The following BMPR2 variants were observed in gnomAD, a reference collection of about 807,000 sequenced individuals.
BMPR2 encodes bone morphogenetic protein receptor type 2, also known as bone morphogenetic protein receptor type-2.
BMPR2 carries 29 observed loss-of-function variants against 100.8 expected under a neutral mutation model. The observed-to-expected ratio is 0.29, with a 90% CI of 0.21 to 0.39. The LOEUF (loss-of-function observed/expected upper bound fraction) is 0.39. BMPR2 is among the 10% of genes least tolerant of loss of function. BMPR2 has a pLI of 1.00. For missense variants in BMPR2, 1,011 were observed against 1,274.5 expected, an observed-to-expected ratio of 0.79 and a Z score of 3.15; for synonymous variants, 382 against 442.3, an observed-to-expected ratio of 0.86 and a Z score of 1.71.
At chr2:202,436,197 T>G (rs1691610695) in intron 1 of BMPR2, among the ~76,000 whole-genome samples, 1 of 150,822 alleles carries the variant, frequency 6.6e-6, no homozygotes. Context: ...CTTACGCCTA[T>G]AATCCCAGCA....
At chr2:202,453,205 CT>C (rs5837819) in intron 1 of BMPR2, among the ~76,000 whole-genome samples, 72,788 of 148,604 alleles carry the variant, frequency 0.49, 18,123 homozygotes, top group African/African-American at 0.58. Flanking sequence ...TATATACTGT[CT>C]TTTTTTTTTT....
At chr2:202,522,477 A>T (rs1007372924) in intron 7 of BMPR2, among the ~76,000 whole-genome samples, 3 of 151,910 alleles carry the variant, frequency 2.0e-5, no homozygotes, top group Non-Finnish European at 4.4e-5. Flanking sequence ...ACTGCACTCC[A>T]GCCTGGGTGA....
At chr2:202,451,738 T>G (rs1243220086) in intron 1 of BMPR2, among the ~76,000 whole-genome samples, 5 of 152,050 alleles carry the variant, frequency 3.3e-5, no homozygotes. Context: ...TGAGTTTTTG[T>G]TTTGTTTTTT....
At position 202,472,410 on chromosome 2, in the gene BMPR2, G is replaced by C. The variant is rs11900889; in HGVS notation, c.418+4721G>C. Among the ~76,000 whole-genome samples, 352 of 152,342 alleles carry C rather than the reference G, an allele frequency of 2.3e-3. 1 individual carries two copies. Among genetic ancestry groups the C allele is most frequent in the African/African-American group, 8.0e-3 (331 of 41,582 alleles). On this transcript the variant is annotated intron_variant, in intron 3 of 12. Coordinates refer to ENST00000374580, the MANE Select transcript of BMPR2 (RefSeq NM_001204.7). ...GCGGTGGCTCACACCTGTAATCCCA[G>C]CACTTTGGGAGGCCAAGGTGGGTGG...
At chr2:202,380,421 G>A (rs966739919) in intron 1 of BMPR2, among the ~76,000 whole-genome samples, 1 of 152,036 alleles carries the variant, frequency 6.6e-6, no homozygotes, top group Non-Finnish European at 1.5e-5. Flanking sequence ...AGTAACTGAA[G>A]TTTAGTAATC....
chr2:202,457,687 G>A (rs932825219), intron 1 of BMPR2, among the ~76,000 whole-genome samples: 5 of 151,812 alleles, frequency 3.3e-5, no homozygotes, highest in African/African-American at 1.2e-4. Flanking sequence ...ATAGTAGAAT[G>A]AGACACTTCT....
chr2:202,466,104 T>C (rs1692315661), intron 2 of BMPR2, among the ~76,000 whole-genome samples: 1 of 152,144 alleles, frequency 6.6e-6, no homozygotes, highest in Non-Finnish European at 1.5e-5. Context: ...TTAAACATAA[T>C]TTTTTGATTG....
At chr2:202,427,471 C>T (rs1410224456) in intron 1 of BMPR2, among the ~76,000 whole-genome samples, 1 of 150,410 alleles carries the variant, frequency 6.6e-6, no homozygotes, top group Non-Finnish European at 1.5e-5. Flanking sequence ...CTTTTGTGGA[C>T]CAAAAATCAA....
chr2:202,559,387 C>G (rs113096670), intron 12 of BMPR2, among the ~76,000 whole-genome samples: 1 of 152,010 alleles, frequency 6.6e-6, no homozygotes, highest in Non-Finnish European at 1.5e-5. Flanking sequence ...AAGTTAAGAT[C>G]GCTACCAAAA....
At chr2:202,377,879 A>G (rs1411535150) in intron 1 of BMPR2, among the ~76,000 whole-genome samples, 2 of 152,246 alleles carry the variant, frequency 1.3e-5, no homozygotes, top group African/African-American at 4.8e-5. Flanking sequence ...ACCAGTGAAC[A>G]GTGCTTATTA....
Position 202,561,035 on chromosome 2 carries a change from A to G in BMPR2, c.*1089A>G, listed in dbSNP as rs751628521. On this transcript the variant is annotated 3_prime_UTR_variant, in exon 13 of 13. Transcript: ENST00000374580. ...CATAAAATTACCCTTACTGTTTATT[A>G]TAACTTCAGAAGTAATTTATAGTTC... 6.6e-6 allele frequency: 1 copy of G among 152,114 alleles called. No homozygotes were observed. The highest frequency in any genetic ancestry group is 1.5e-5 in the Non-Finnish European group (1 of 67,982). The allele number at this position is 152,114 out of a possible 1,614,324, so 9.4% of individuals were successfully genotyped here.
At chr2:202,553,875 A>G (rs977537166) in intron 11 of BMPR2, among the ~76,000 whole-genome samples, 2 of 152,116 alleles carry the variant, frequency 1.3e-5, no homozygotes, top group East Asian at 1.9e-4. Context: ...TTTATTAGAG[A>G]CAGGGTTTCA....
At chr2:202,404,279 C>T (rs536453940) in intron 1 of BMPR2, among the ~76,000 whole-genome samples, 1 of 150,974 alleles carries the variant, frequency 6.6e-6, no homozygotes, top group South Asian at 2.1e-4. Context: ...GCAACCTCCA[C>T]CTCCCTGGTT....
rs1046278563 is a variant in BMPR2 at position 202,566,915 on chromosome 2, CAT to C, written c.*6972_*6973del. On this transcript the variant is annotated 3_prime_UTR_variant, in exon 13 of 13. Transcript: ENST00000374580. Reference sequence around the variant, plus strand: ...AATCCTCGTAAGTATGTAAAGGAAACATATTTTTAAAGAAGCTTAACAGTAAG... The same window carrying C: ...AATCCTCGTAAGTATGTAAAGGAAACATTTTTAAAGAAGCTTAACAGTAAG... The C allele has an allele frequency of 5.3e-5, 8 of 152,252 alleles. No homozygotes were observed. Among genetic ancestry groups the C allele is most frequent in the Non-Finnish European group, 1.2e-4 (8 of 68,018 alleles). 9.4% of individuals were successfully genotyped at this position (152,252 alleles called of 1,614,324 possible).
chr2:202,510,958 A>G (rs764904223), intron 3 of BMPR2, among the ~76,000 whole-genome samples: 297 of 149,218 alleles, frequency 2.0e-3, no homozygotes, highest in Non-Finnish European at 3.4e-3. Context: ...GGATGACAGG[A>G]GTGAGCCACC....
chr2:202,424,239 T>C (rs1468484860), intron 1 of BMPR2, among the ~76,000 whole-genome samples: 4 of 151,142 alleles, frequency 2.6e-5, no homozygotes, highest in African/African-American at 9.8e-5. Flanking sequence ...CTGGGCATAG[T>C]GGCATGTGCC....
intron 9 of BMPR2, among the ~76,000 whole-genome samples, chr2:202,535,952 C>CG (rs1215674791): frequency 1.3e-5 from 2 of 150,728 alleles, no homozygotes; most frequent in African/African-American, 4.9e-5. Flanking sequence ...CGCGTGCCTG[C>CG]AATCGCAGGC....
At chr2:202,421,121 C>T (rs761526048) in intron 1 of BMPR2, among the ~76,000 whole-genome samples, 13 of 151,678 alleles carry the variant, frequency 8.6e-5, no homozygotes, top group Non-Finnish European at 1.6e-4. Flanking sequence ...CATGGTGGCA[C>T]ACGACTATAA....
chr2:202,490,310 A>G (rs974446360), intron 3 of BMPR2, among the ~76,000 whole-genome samples: 7 of 152,136 alleles, frequency 4.6e-5, no homozygotes, highest in African/African-American at 1.4e-4. Flanking sequence ...TCTAAAGTCA[A>G]AAGGTATGTA....
Sources: allele counts gnomAD v4.1 joint callset (sites outside exome capture counted in the v4.1 genomes callset), GRCh38; gene constraint gnomAD v4.1.1; transcripts MANE v1.5; gene names NCBI Gene and HGNC (gene_info 2026-07-23, HGNC 2026-07-21).